Variants in THRB observed in about 807,000 individuals in gnomAD.
THRB encodes the protein nuclear receptor subfamily 1 group A member 2.
Under a neutral mutation model 47.8 loss-of-function variants are expected in THRB, and 12 were observed. The ratio of observed to expected loss-of-function variants is 0.25; its 90% confidence interval spans 0.16 to 0.41. THRB has a LOEUF of 0.41. Among genes scored for constraint, THRB ranks in the 10% least tolerant of loss-of-function variants. The pLI is 1.00. For missense variants in THRB, 348 were observed against 589.2 expected, an observed-to-expected ratio of 0.59 and a Z score of 4.24; for synonymous variants, 218 against 212.2, an observed-to-expected ratio of 1.03 and a Z score of -0.24.
chr3:24,165,702 C>T (rs2039557710), intron 5 of THRB: 1 of 200,246 alleles, frequency 5.0e-6, no homozygotes, highest in Non-Finnish European at 1.0e-5. Flanking sequence ...GAATGACCTC[C>T]ACCCAGATAG....
intron 3 of THRB, among the ~76,000 whole-genome samples, chr3:24,243,791 TTCAC>T (rs1006699661): frequency 1.3e-5 from 2 of 152,148 alleles, no homozygotes; most frequent in Admixed American, 1.3e-4. Flanking sequence ...TTTCATTCTG[TTCAC>T]TGATGACCCC....
chr3:24,183,642 G>T (rs1214603036), intron 5 of THRB, among the ~76,000 whole-genome samples: 1 of 149,626 alleles, frequency 6.7e-6, no homozygotes, highest in Non-Finnish European at 1.5e-5. Flanking sequence ...CAAAGTGTTG[G>T]GATTACAGGT....
chr3:24,291,650 G>A (rs549849524), intron 3 of THRB, among the ~76,000 whole-genome samples: 2 of 152,198 alleles, frequency 1.3e-5, no homozygotes, highest in Non-Finnish European at 2.9e-5. Flanking sequence ...TACATGTTTA[G>A]TATGGATGCA....
chr3:24,478,465 T>C (rs1027637271), intron 1 of THRB, among the ~76,000 whole-genome samples: 1 of 152,196 alleles, frequency 6.6e-6, no homozygotes, highest in Non-Finnish European at 1.5e-5. Flanking sequence ...CCATAACATA[T>C]TCACTTTATT....
At position 24,165,484 on chromosome 3, in the gene THRB, G is replaced by A; in HGVS notation, c.284-12994C>T. ...ACATACATACACATGAAACGCGAAG[G>A]GAAGATGAATAAACACCACCACCAA... On this transcript the variant is annotated intron_variant, in intron 5 of 10. Transcript: ENST00000646209. The A allele has an allele frequency of 3.4e-6, 2 of 591,088 alleles. 1 individual carries two copies. The highest frequency in any genetic ancestry group is 4.3e-5 in the South Asian group (2 of 46,362). 36.6% of individuals were successfully genotyped at this position (591,088 alleles called of 1,614,324 possible).
At chr3:24,128,626 T>C (rs2033309411) in intron 9 of THRB, among the ~76,000 whole-genome samples, 1 of 152,230 alleles carries the variant, frequency 6.6e-6, no homozygotes, top group Non-Finnish European at 1.5e-5. Context: ...ATGGGTGTGT[T>C]TGATGAATTG....
At chr3:24,171,533 C>A (rs910099549) in intron 5 of THRB, among the ~76,000 whole-genome samples, 9 of 152,118 alleles carry the variant, frequency 5.9e-5, no homozygotes, top group Admixed American at 2.0e-4. Flanking sequence ...AACTGAATCC[C>A]AAGGGGATGA....
intron 3 of THRB, among the ~76,000 whole-genome samples, chr3:24,283,335 C>A (rs1162705155): frequency 2.0e-5 from 3 of 152,214 alleles, no homozygotes; most frequent in African/African-American, 4.8e-5. Context: ...ACAAAAACCA[C>A]GTGATTATCT....
In THRB at chr3:24,128,863, CTTTTTTTT is replaced by C. The variant is rs57890674; in HGVS notation, c.886-1114_886-1107del. On this transcript the variant is annotated intron_variant, in intron 9 of 10. Transcript: ENST00000646209. ...GCCAAGAGAAGAAGGAAACATAACT[CTTTTTTTT>C]TTTTTTTTTTTTTTTTTTACCATGG... Among the ~76,000 whole-genome samples the C allele has an allele frequency of 9.7e-3, 841 of 87,056 alleles. 20 individuals carry two copies. The highest frequency in any genetic ancestry group is 0.027 in the African/African-American group (792 of 29,658). 57.1% of individuals were successfully genotyped at this position (87,056 alleles called of 152,430 possible). A position where few individuals can be genotyped will look rare whatever the true frequency, so the allele number is the denominator to read the frequency against.
intron 3 of THRB, among the ~76,000 whole-genome samples, chr3:24,268,373 C>T (rs897995958): frequency 1.1e-4 from 17 of 152,016 alleles, no homozygotes; most frequent in African/African-American, 3.6e-4. Flanking sequence ...GATAGTGCAG[C>T]GAGGTGGGAA....
At chr3:24,456,975 T>G (rs927407088) in intron 1 of THRB, among the ~76,000 whole-genome samples, 8 of 152,090 alleles carry the variant, frequency 5.3e-5, no homozygotes, top group Non-Finnish European at 8.8e-5. Flanking sequence ...GGCTTTTTGG[T>G]GTCATCAATT....
At chr3:24,402,499 C>CT (rs60751951) in intron 1 of THRB, among the ~76,000 whole-genome samples, 62,413 of 134,422 alleles carry the variant, frequency 0.46, 14,744 homozygotes, top group Middle Eastern at 0.68. Context: ...TTCTTTCTTC[C>CT]TTTTTTTTTT....
At chr3:24,186,944 C>CAAAAAAAAAAAAAAAAAA (rs71057655) in intron 5 of THRB, among the ~76,000 whole-genome samples, 1 of 77,532 alleles carries the variant, frequency 1.3e-5, no homozygotes, top group Non-Finnish European at 2.4e-5. Context: ...GACTCCATTT[C>CAAAAAAAAAAAAAAAAAA]AAAAAAAAAA....
At chr3:24,212,673 C>G (rs2046180370) in intron 4 of THRB, among the ~76,000 whole-genome samples, 1 of 151,636 alleles carries the variant, frequency 6.6e-6, no homozygotes, top group Non-Finnish European at 1.5e-5. Context: ...CAGGCAAAAC[C>G]AAGCCTTGAT....
chr3:24,302,627 G>A (rs1559876489), intron 2 of THRB, among the ~76,000 whole-genome samples: 1 of 152,172 alleles, frequency 6.6e-6, no homozygotes, highest in Admixed American at 6.5e-5. Flanking sequence ...TATTGTAAGT[G>A]AAGCCCTCCC....
intron 5 of THRB, among the ~76,000 whole-genome samples, chr3:24,184,705 T>A (rs1271931881): frequency 6.6e-6 from 1 of 152,136 alleles, no homozygotes; most frequent in African/African-American, 2.4e-5. Context: ...ATTGCTAAGG[T>A]TCCCAGAGTG....
At chr3:24,135,364 G>T (rs771294097) in intron 8 of THRB, among the ~76,000 whole-genome samples, 9 of 152,162 alleles carry the variant, frequency 5.9e-5, no homozygotes, top group Non-Finnish European at 8.8e-5. Flanking sequence ...AATGCTGGCA[G>T]CATTTAACTT....
intron 1 of THRB, among the ~76,000 whole-genome samples, chr3:24,402,874 C>T (rs2067529894): frequency 6.6e-6 from 1 of 151,898 alleles, no homozygotes; most frequent in Non-Finnish European, 1.5e-5. Flanking sequence ...AGGTTAGAAC[C>T]ACACCATGCT....
At chr3:24,295,692 G>C (rs552406336) in intron 3 of THRB, among the ~76,000 whole-genome samples, 14 of 152,138 alleles carry the variant, frequency 9.2e-5, no homozygotes, top group African/African-American at 3.4e-4. Flanking sequence ...GGAAAACCCC[G>C]TATCACAGAG....
Sources: gnomAD v4.1 joint callset for allele counts (sites outside exome capture counted in the v4.1 genomes callset) on GRCh38, gnomAD v4.1.1 for gene constraint, MANE v1.5 for transcripts, NCBI Gene and HGNC (gene_info 2026-07-23, HGNC 2026-07-21) for gene names.